WWOX: variants seen among roughly 807,000 people sequenced by gnomAD.
WWOX encodes WW domain-containing oxidoreductase.
A neutral mutation model predicts 46.2 loss-of-function variants in WWOX; 69 were observed. That is an observed-to-expected ratio of 1.49 (90% CI 1.23 to 1.82). The LOEUF (loss-of-function observed/expected upper bound fraction) is 1.82, where lower values mean the gene tolerates loss of function less well. Among genes scored for constraint, WWOX ranks in the 40% most tolerant of loss-of-function variants. The pLI, the probability that WWOX is intolerant of heterozygous loss-of-function variation, is 0.00. For missense variants in WWOX, 919 were observed against 542.6 expected, an observed-to-expected ratio of 1.69 and a Z score of -6.89; for synonymous variants, 359 against 202.6, an observed-to-expected ratio of 1.77 and a Z score of -6.56.
At chr16:79,149,240 A>G (rs1426581002) in intron 8 of WWOX, among the ~76,000 whole-genome samples, 3 of 152,176 alleles carry the variant, frequency 2.0e-5, no homozygotes, top group African/African-American at 7.2e-5. Context: ...ACTTTTGAAA[A>G]TGATAATGGG....
intron 8 of WWOX, among the ~76,000 whole-genome samples, chr16:78,481,544 C>T (rs756716742): frequency 3.9e-5 from 6 of 151,934 alleles, no homozygotes; most frequent in Non-Finnish European, 7.4e-5. Flanking sequence ...CCCTCACCTC[C>T]CACCACCCCT....
chr16:78,974,148 A>T (rs1048737952), intron 8 of WWOX, among the ~76,000 whole-genome samples: 1 of 152,246 alleles, frequency 6.6e-6, no homozygotes, highest in African/African-American at 2.4e-5. Flanking sequence ...TCACAAATCA[A>T]ACAATATCAG....
At chr16:78,282,796 T>A (rs2079702104) in intron 5 of WWOX, among the ~76,000 whole-genome samples, 1 of 149,378 alleles carries the variant, frequency 6.7e-6, no homozygotes, top group African/African-American at 2.5e-5. Context: ...GAGAATCGCT[T>A]GAACCTCGGA....
At chr16:78,329,078 C>T (rs1186732143) in intron 5 of WWOX, among the ~76,000 whole-genome samples, 1 of 152,120 alleles carries the variant, frequency 6.6e-6, no homozygotes, top group Non-Finnish European at 1.5e-5. Context: ...CCAGGCTGGT[C>T]TTGGATTCCT....
chr16:78,724,463 A>G (rs555090768), intron 8 of WWOX, among the ~76,000 whole-genome samples: 2 of 152,192 alleles, frequency 1.3e-5, no homozygotes, highest in South Asian at 4.1e-4. Context: ...AGCTTTTAGC[A>G]CATTGCATTA....
chr16:78,663,626 A>G (rs912270123), intron 8 of WWOX, among the ~76,000 whole-genome samples: 1 of 152,192 alleles, frequency 6.6e-6, no homozygotes, highest in Non-Finnish European at 1.5e-5. Context: ...TCTTTATGGC[A>G]TGTCTTAGCA....
At chr16:79,042,784 C>G (rs1036726252) in intron 8 of WWOX, among the ~76,000 whole-genome samples, 2 of 147,604 alleles carry the variant, frequency 1.4e-5, no homozygotes, top group South Asian at 4.3e-4. Context: ...CTCAAATGCA[C>G]ATTTGTCTAA....
At chr16:78,797,833 C>T (rs1043354066) in intron 8 of WWOX, among the ~76,000 whole-genome samples, 1 of 152,100 alleles carries the variant, frequency 6.6e-6, no homozygotes, top group Non-Finnish European at 1.5e-5. Flanking sequence ...ACAAAAAATA[C>T]AAAAATTAGC....
chr16:78,757,151 T>G (rs1267086687), intron 8 of WWOX: 1 of 623,468 alleles, frequency 1.6e-6, no homozygotes, highest in Non-Finnish European at 2.9e-6. Context: ...CTCACAAGTT[T>G]CTGCACCACA....
chr16:78,932,876 A>T (rs1004823776), intron 8 of WWOX, among the ~76,000 whole-genome samples: 1 of 152,174 alleles, frequency 6.6e-6, no homozygotes, highest in Non-Finnish European at 1.5e-5. Flanking sequence ...CCTTGTCTGG[A>T]AGACAGATTT....
chr16:78,710,950 T>G (rs2048432109), intron 8 of WWOX, among the ~76,000 whole-genome samples: 1 of 152,144 alleles, frequency 6.6e-6, no homozygotes, highest in Non-Finnish European at 1.5e-5. Flanking sequence ...TCCTTTCTTT[T>G]CACATTTTGT....
chr16:79,148,605 G>C (rs1273893740), intron 8 of WWOX, among the ~76,000 whole-genome samples: 1 of 152,064 alleles, frequency 6.6e-6, no homozygotes, highest in African/African-American at 2.4e-5. Context: ...CAGAAGCCTT[G>C]CTGCAGTTTT....
At chr16:78,492,601 C>T (rs769829782) in intron 8 of WWOX, among the ~76,000 whole-genome samples, 1 of 152,216 alleles carries the variant, frequency 6.6e-6, no homozygotes, top group African/African-American at 2.4e-5. Context: ...CATGGAATCA[C>T]TGTTTCTCCT....
chr16:78,912,921 G>A (rs1039853510), intron 8 of WWOX, among the ~76,000 whole-genome samples: 3 of 151,968 alleles, frequency 2.0e-5, no homozygotes, highest in African/African-American at 7.2e-5. Context: ...AGAGATCAGA[G>A]CAAGAGAAAC....
chr16:78,753,624 A>G (rs2049543223), intron 8 of WWOX, among the ~76,000 whole-genome samples: 2 of 151,208 alleles, frequency 1.3e-5, no homozygotes, highest in African/African-American at 4.9e-5. Flanking sequence ...ACATCATGAA[A>G]TCCCATCTCT....
At chr16:78,643,669 C>G (rs184044727) in intron 8 of WWOX, among the ~76,000 whole-genome samples, 159 of 152,158 alleles carry the variant, frequency 1.0e-3, no homozygotes, top group Non-Finnish European at 1.6e-3. Context: ...ATAATGGCCC[C>G]GTTGTAAATG....
At chr16:78,879,225 C>T (rs1230482018) in intron 8 of WWOX, among the ~76,000 whole-genome samples, 2 of 152,134 alleles carry the variant, frequency 1.3e-5, no homozygotes, top group East Asian at 1.9e-4. Context: ...GGAAAAAGAG[C>T]TGGTTGGGCA....
chr16:78,399,743 C>T (rs1196985176), intron 6 of WWOX, among the ~76,000 whole-genome samples: 2 of 152,142 alleles, frequency 1.3e-5, no homozygotes, highest in Non-Finnish European at 1.5e-5. Context: ...CTTGGTTTTT[C>T]TCCTCTTAGC....
At chr16:79,144,193 C>G (rs937721481) in intron 8 of WWOX, among the ~76,000 whole-genome samples, 17 of 152,210 alleles carry the variant, frequency 1.1e-4, no homozygotes, top group African/African-American at 4.1e-4. Context: ...AGCCACTGCA[C>G]ACAGCCAAGG....
Sources: gnomAD v4.1 joint callset for allele counts (sites outside exome capture counted in the v4.1 genomes callset) on GRCh38, gnomAD v4.1.1 for gene constraint, MANE v1.5 for transcripts, NCBI Gene and HGNC (gene_info 2026-07-23, HGNC 2026-07-21) for gene names.